EPHA7: variants seen among roughly 807,000 people sequenced by gnomAD.
EPHA7 encodes ephrin type-A receptor 7.
EPHA7 carries 25 observed loss-of-function variants against 112.6 expected under a neutral mutation model. The ratio of observed to expected loss-of-function variants is 0.22; its 90% CI spans 0.16 to 0.31. The LOEUF (loss-of-function observed/expected upper bound fraction) is 0.31. Ranked by LOEUF, EPHA7 falls within the 10% of genes least tolerant of loss-of-function variation. EPHA7 has a pLI of 1.00. For synonymous variants in EPHA7, 437 were observed against 406.5 expected (o/e 1.07, Z -0.90); for missense variants, 962 against 1,212.6 (o/e 0.79, Z 3.07).
Position 93,256,023 on chromosome 6 carries a change from T to C in EPHA7, c.2187A>G (p.Gln729=), listed in dbSNP as rs757731770. 3.1e-6 allele frequency: 5 copies of C among 1,613,856 alleles called. No homozygotes were observed. Among genetic ancestry groups the C allele is most frequent in the Non-Finnish European group, 3.4e-6 (4 of 1,179,980 alleles). The part of the protein sequence containing the change: ...LDAFLRKHDG[Q]FTVIQLVGML... ...TTCCTACTAACTGAATGACTGTAAA[T>C]TGCCCATCATGTTTCTGCAGGAAGA... The change falls in exon 13 of 17, where the codon CAA becomes CAG. Residue 729 remains glutamine, a synonymous_variant. Coordinates refer to ENST00000369303, the MANE Select transcript of EPHA7 (RefSeq NM_004440.4).
rs560644978 is a variant in EPHA7 at position 93,390,251 on chromosome 6, A to T, written c.832+20250T>A. On this transcript the variant is annotated intron_variant, in intron 3 of 16. Coordinates refer to ENST00000369303, the MANE Select transcript of EPHA7 (RefSeq NM_004440.4). ...AAAAAATCAGTACAGTAAAAAAAAA[A>T]GGTGAATGAAAGTTTCAAATTACAA... Among the ~76,000 whole-genome samples, 22 of 151,850 alleles carry T rather than the reference A, an allele frequency of 1.4e-4. No homozygotes were observed. In the South Asian group the frequency reaches 4.4e-3, roughly 30 times the overall value.
intron 5 of EPHA7, among the ~76,000 whole-genome samples, chr6:93,301,636 T>C (rs971129135): frequency 1.3e-5 from 2 of 152,212 alleles, no homozygotes; most frequent in Admixed American, 1.3e-4. Context: ...TAATAGCAAC[T>C]GTCTGTCATC....
chr6:93,267,877 T>C lies in EPHA7; in HGVS notation c.1633+1600A>G, dbSNP rs368190675. The stretch of plus-strand genomic sequence containing the variant: ...AAAAGTGTTTTTAAATAATAAGGAA[T>C]GGTTGGGTAAATGTGAGATAACTGA... On this transcript the variant is annotated intron_variant, in intron 7 of 16. Transcript: ENST00000369303. Among the ~76,000 whole-genome samples the C allele has an allele frequency of 1.2e-4, 18 of 151,852 alleles. No individual in the cohort carries two copies. In the East Asian group the frequency reaches 3.5e-3, roughly 30 times the overall value.
At chr6:93,279,158 C>A (rs1771610897) in intron 5 of EPHA7, among the ~76,000 whole-genome samples, 1 of 152,126 alleles carries the variant, frequency 6.6e-6, no homozygotes. Flanking sequence ...AACTAAGGTA[C>A]TTTTCCCTGA....
At chr6:93,288,636 C>A (rs1772194619) in intron 5 of EPHA7, among the ~76,000 whole-genome samples, 1 of 152,178 alleles carries the variant, frequency 6.6e-6, no homozygotes, top group Admixed American at 6.5e-5. Flanking sequence ...CCATGACTTA[C>A]TGTCTGAGCC....
intron 2 of EPHA7, among the ~76,000 whole-genome samples, chr6:93,414,246 A>G (rs941011717): frequency 6.6e-6 from 1 of 151,916 alleles, no homozygotes; most frequent in Non-Finnish European, 1.5e-5. Flanking sequence ...AACATAGTAC[A>G]TTTTTAGTTA....
chr6:93,365,366 C>A (rs574962444), intron 3 of EPHA7, among the ~76,000 whole-genome samples: 1 of 152,176 alleles, frequency 6.6e-6, no homozygotes, highest in African/African-American at 2.4e-5. Context: ...TTATTTATTG[C>A]AGATGAATAT....
At chr6:93,248,379 T>G (rs2127848471) in intron 14 of EPHA7, among the ~76,000 whole-genome samples, 1 of 152,224 alleles carries the variant, frequency 6.6e-6, no homozygotes, top group Admixed American at 6.5e-5. Flanking sequence ...GAAAAATCTC[T>G]AACTCTAAAG....
rs561284839 is a variant in EPHA7, at chr6:93,302,063, G to A, written c.1325-29641C>T. On this transcript the variant is annotated intron_variant, in intron 5 of 16. Transcript: ENST00000369303. ...GGTTGGTTGTTCTTCCACCCTTACC[G>A]TCACTGGGCCGGAAAGTGTGTAATT... Among the ~76,000 whole-genome samples, 7 of 152,070 alleles carry A rather than the reference G, an allele frequency of 4.6e-5. No homozygotes were observed. In the South Asian group the frequency reaches 1.0e-3, roughly 23 times the overall value.
At chr6:93,258,061 A>G in intron 11 of EPHA7, 38 bp downstream of exon 11, 7 of 1,555,178 alleles carry the variant, frequency 4.5e-6, no homozygotes, top group Non-Finnish European at 6.2e-6. Flanking sequence ...TCTGACACTC[A>G]GTCTTTTTGA....
intron 1 of EPHA7, among the ~76,000 whole-genome samples, chr6:93,416,597 G>T (rs1779239354): frequency 6.6e-6 from 1 of 152,164 alleles, no homozygotes; most frequent in Non-Finnish European, 1.5e-5. Flanking sequence ...CAAGTGATCC[G>T]TGCGTCTCTC....
intron 3 of EPHA7, among the ~76,000 whole-genome samples, chr6:93,382,816 G>T (rs1461970273): frequency 6.6e-6 from 1 of 152,056 alleles, no homozygotes; most frequent in Non-Finnish European, 1.5e-5. Context: ...AAATATCCAT[G>T]AAAAGGTCCC....
intron 5 of EPHA7, among the ~76,000 whole-genome samples, chr6:93,297,152 G>C (rs74504799): frequency 1.3e-5 from 2 of 152,058 alleles, no homozygotes; most frequent in Non-Finnish European, 2.9e-5. Flanking sequence ...GCATACTGCA[G>C]ACTGAGAAAG....
At chr6:93,398,130 G>T (rs1053901976) in intron 3 of EPHA7, among the ~76,000 whole-genome samples, 6 of 151,726 alleles carry the variant, frequency 4.0e-5, no homozygotes, top group African/African-American at 1.5e-4. Context: ...TATCTTCCTG[G>T]CAGCAAAAAC....
intron 6 of EPHA7, among the ~76,000 whole-genome samples, chr6:93,270,588 T>C (rs150033372): frequency 9.2e-5 from 14 of 151,818 alleles, no homozygotes; most frequent in African/African-American, 2.6e-4. Flanking sequence ...GTATAATAAA[T>C]ACATGTGTTC....
At chr6:93,414,307 C>G (rs1019969986) in intron 2 of EPHA7, among the ~76,000 whole-genome samples, 3 of 151,768 alleles carry the variant, frequency 2.0e-5, no homozygotes, top group African/African-American at 7.2e-5. Flanking sequence ...AATAGGAAAA[C>G]AGATTGATTA....
chr6:93,306,311 G>A (rs1010186150), intron 5 of EPHA7, among the ~76,000 whole-genome samples: 5 of 151,932 alleles, frequency 3.3e-5, no homozygotes, highest in African/African-American at 1.2e-4. Context: ...GTTAGCTTCT[G>A]TTGGGGTGAA....
chr6:93,282,494 C>T (rs1041840834), intron 5 of EPHA7, among the ~76,000 whole-genome samples: 3 of 152,358 alleles, frequency 2.0e-5, no homozygotes, highest in East Asian at 1.9e-4. Context: ...TGGCAGCCCT[C>T]GCAGCCCTCA....
chr6:93,402,027 G>A (rs373052435), intron 3 of EPHA7, among the ~76,000 whole-genome samples: 19 of 152,000 alleles, frequency 1.3e-4, no homozygotes, highest in Middle Eastern at 3.4e-3. Context: ...GCCAGAAACC[G>A]ATGCCAATTT....
Sources: allele counts gnomAD v4.1 joint callset (sites outside exome capture counted in the v4.1 genomes callset), GRCh38; gene constraint gnomAD v4.1.1; transcripts MANE v1.5; gene names NCBI Gene and HGNC (gene_info 2026-07-23, HGNC 2026-07-21).